Variants in EEF1AKMT4 observed in about 807,000 individuals in gnomAD.
EEF1AKMT4 encodes eukaryotic translation elongation factor 1 alpha lysine specific methyltransferase 4.
EEF1AKMT4 carries 17 observed loss-of-function variants against 23.0 expected under a neutral mutation model. The ratio of observed to expected loss-of-function variants is 0.74; its 90% CI spans 0.51 to 1.11. The LOEUF (loss-of-function observed/expected upper bound fraction) is 1.11. EEF1AKMT4 is among the 50% of genes least tolerant of loss of function. The probability of loss-of-function intolerance (pLI) is 0.00; values close to 1 mark genes in which losing one functional copy is unlikely to be tolerated. For missense variants in EEF1AKMT4, 318 were observed against 333.4 expected, an observed-to-expected ratio of 0.95 and a Z score of 0.36; for synonymous variants, 140 against 141.4, an observed-to-expected ratio of 0.99 and a Z score of 0.07.
intron 1 of EEF1AKMT4, among the ~76,000 whole-genome samples, chr3:184,254,256 A>G (rs1327266844): frequency 6.6e-6 from 1 of 151,754 alleles, no homozygotes; most frequent in East Asian, 1.9e-4. Context: ...TGCTTGCTTG[A>G]CTTCATGCTC....
intron 1 of EEF1AKMT4, among the ~76,000 whole-genome samples, chr3:184,251,625 C>G (rs1719560242): frequency 6.6e-6 from 1 of 152,166 alleles, no homozygotes; most frequent in Non-Finnish European, 1.5e-5. Flanking sequence ...ATCGTTTGAG[C>G]CAGGAGATCC....
intron 2 of EEF1AKMT4, 65 bp from the exon 3 acceptor site, chr3:184,258,223 C>T (rs1719899539): frequency 2.1e-6 from 3 of 1,424,866 alleles, no homozygotes; most frequent in African/African-American, 2.8e-5. Context: ...GCATCTGGAG[C>T]AGTACTGACC....
At position 184,257,604 on chromosome 3, in the gene EEF1AKMT4, G is replaced by A. The variant is rs377042130; in HGVS notation, c.328G>A (p.Glu110Lys). The A allele has an allele frequency of 6.2e-7, 1 of 1,614,072 alleles. No individual in the cohort carries two copies. Among genetic ancestry groups the A allele is most frequent in the African/African-American group, 1.3e-5 (1 of 74,936 alleles). The change falls in exon 2 of 3, where the codon GAG becomes AAG. Residue 110 changes from glutamate to lysine, a missense_variant. Transcript: ENST00000324557. ...RHAHVPQLRWETMDVRKLDFP... is the reference protein window; with the variant it reads ...RHAHVPQLRWKTMDVRKLDFP... ...TGCCCATGTGCCGCAGCTGCGCTGG[G>A]AGACCATGGATGTGCGGAAGCTGGA...
intron 1 of EEF1AKMT4, among the ~76,000 whole-genome samples, chr3:184,254,245 A>T (rs912697564): frequency 6.6e-6 from 1 of 151,850 alleles, no homozygotes; most frequent in African/African-American, 2.4e-5. Context: ...CCAATTTGTT[A>T]TGCTTGCTTG....
chr3:184,258,527 C>T lies in EEF1AKMT4; in HGVS notation c.720C>T (p.Phe240=). The T allele has an allele frequency of 6.2e-7, 1 of 1,610,374 alleles. No homozygotes were observed. Among genetic ancestry groups the T allele is most frequent in the Non-Finnish European group, 8.5e-7 (1 of 1,177,962 alleles). Residue 240 remains phenylalanine, a synonymous_variant, in exon 3 of 3, where the codon TTC becomes TTT. Transcript: ENST00000324557. ...SPPRPPTSPC[F]LQDSDHEDFL... is the part of the protein sequence containing the mutation. The stretch of plus-strand genomic sequence containing the variant: ...CCAGACCTCCCACCTCACCTTGCTT[C>T]CTTCAGGACTCAGATCATGAGGACT...
rs1332197595 is a variant in EEF1AKMT4, at chr3:184,254,946, G to A, written c.197-2527G>A. ...CTTCCCTCAGGCTCCACTTTGGAAG[G>A]CAGTGGCTTTCCCAAGCCCCTTCTT... is the stretch of plus-strand genomic sequence containing the variant. On this transcript the variant is annotated intron_variant, in intron 1 of 2. Transcript: ENST00000324557. Among the ~76,000 whole-genome samples the A allele has an allele frequency of 2.6e-5, 4 of 152,296 alleles. No individual in the cohort carries two copies. The South Asian group carries it at 8.3e-4, about 32-fold the overall frequency.
At chr3:184,256,280 A>AAAAAAAAAAAG (rs1553832343) in intron 1 of EEF1AKMT4, among the ~76,000 whole-genome samples, 10 of 150,002 alleles carry the variant, frequency 6.7e-5, no homozygotes, top group Non-Finnish European at 1.3e-4. Flanking sequence ...CTCAAAAAAA[A>AAAAAAAAAAAG]AAAAAAAAAA....
rs1387384237 is a variant in EEF1AKMT4 at position 184,258,738 on chromosome 3, CCCAGCT to C, written c.*167_*172del. 8.4e-5 allele frequency: 113 copies of C among 1,343,810 alleles called. 1 individual carries two copies. In the African/African-American group the frequency reaches 1.4e-3, roughly 16 times the overall value. 83.2% of individuals were successfully genotyped at this position (1,343,810 alleles called of 1,614,324 possible). A position where few individuals can be genotyped will look rare whatever the true frequency, so the allele number is the denominator to read the frequency against. On this transcript the variant is annotated 3_prime_UTR_variant, in exon 3 of 3. Transcript: ENST00000324557. ...AGCGAACCCACATGAACCAATACAGCCCAGCTCCAACTAGATCCAGATTCCAGGTTT... is the reference window on the plus strand; with the variant it reads ...AGCGAACCCACATGAACCAATACAGCCCAACTAGATCCAGATTCCAGGTTT...
chr3:184,255,195 G>T (rs549910589), intron 1 of EEF1AKMT4, among the ~76,000 whole-genome samples: 1 of 152,330 alleles, frequency 6.6e-6, no homozygotes, highest in Non-Finnish European at 1.5e-5. Flanking sequence ...TGAAGGGATT[G>T]TGGGTCAGCA....
chr3:184,250,371 CAGAGTCACCTAGAG>C (rs1273595760), intron 1 of EEF1AKMT4, among the ~76,000 whole-genome samples: 2 of 152,232 alleles, frequency 1.3e-5, no homozygotes, highest in Non-Finnish European at 2.9e-5. Flanking sequence ...CACTGGGAGC[CAGAGTCACCTAGAG>C]AGAGTCCTGT....
At chr3:184,250,708 A>G (rs1033936163) in intron 1 of EEF1AKMT4, among the ~76,000 whole-genome samples, 3 of 152,274 alleles carry the variant, frequency 2.0e-5, no homozygotes, top group Admixed American at 1.3e-4. Context: ...AGGTATAAAT[A>G]ACAAATCTAA....
chr3:184,255,566 C>T (rs574828839), intron 1 of EEF1AKMT4, among the ~76,000 whole-genome samples: 2 of 152,198 alleles, frequency 1.3e-5, no homozygotes, highest in Admixed American at 1.3e-4. Context: ...TCACCCAGCT[C>T]CATTGTCAAG....
At chr3:184,254,645 G>A (rs113437938) in intron 1 of EEF1AKMT4, among the ~76,000 whole-genome samples, 10,242 of 151,162 alleles carry the variant, frequency 0.068, 597 homozygotes, top group African/African-American at 0.15. Flanking sequence ...CCTGGGAGGC[G>A]GAGCTTGCAA....
intron 1 of EEF1AKMT4, among the ~76,000 whole-genome samples, chr3:184,252,105 C>T (rs1228329187): frequency 6.6e-6 from 1 of 152,198 alleles, no homozygotes; most frequent in Non-Finnish European, 1.5e-5. Flanking sequence ...CTAGACTGCA[C>T]TGTGAGATTC....
At position 184,256,272 on chromosome 3, in the gene EEF1AKMT4, C is replaced by CAAAAAA. The variant is rs59087969; in HGVS notation, c.197-1188_197-1183dup. ...GGGCAACAAGAGTGAAACTCCATCT[C>CAAAAAA]AAAAAAAAAAAAAAAAAAGAAAAGA... On this transcript the variant is annotated intron_variant, in intron 1 of 2. Transcript: ENST00000324557. 3.2e-3 allele frequency among the ~76,000 whole-genome samples: 174 copies of CAAAAAA among 54,144 alleles called. 2 individuals are homozygous for CAAAAAA. Among genetic ancestry groups the CAAAAAA allele is most frequent in the African/African-American group, 0.011 (163 of 15,118 alleles). 35.5% of individuals were successfully genotyped at this position (54,144 alleles called of 152,430 possible).
At chr3:184,254,369 G>C (rs1026137676) in intron 1 of EEF1AKMT4, among the ~76,000 whole-genome samples, 1 of 151,924 alleles carries the variant, frequency 6.6e-6, no homozygotes, top group Non-Finnish European at 1.5e-5. Context: ...GAACTCCTAT[G>C]CTTAAGCGAT....
At chr3:184,257,442 C>A in intron 1 of EEF1AKMT4, 31 bp from the exon 2 acceptor site, 2 of 1,572,860 alleles carry the variant, frequency 1.3e-6, no homozygotes, top group East Asian at 2.3e-5. Flanking sequence ...ACTAACGTAG[C>A]TCTTTTGCTA....
In EEF1AKMT4 at chr3:184,252,615, C is replaced by A. The variant is rs887424465; in HGVS notation, c.196+2725C>A. Among the ~76,000 whole-genome samples, 2 of 152,110 alleles carry A rather than the reference C, an allele frequency of 1.3e-5. 1 individual carries two copies. The highest frequency in any genetic ancestry group is 4.1e-4 in the South Asian group (2 of 4,830). On this transcript the variant is annotated intron_variant, in intron 1 of 2. Transcript: ENST00000324557. ...TCTCTTTTACAATGACTTGGTTCCG[C>A]TATTGTAGTGGAAAAGCAGCTACAG...
chr3:184,252,723 A>T (rs1170104810), intron 1 of EEF1AKMT4, among the ~76,000 whole-genome samples: 1 of 152,100 alleles, frequency 6.6e-6, no homozygotes, highest in East Asian at 1.9e-4. Flanking sequence ...CGGGCGGGTC[A>T]CCTGAGGTCA....
Sources: allele counts gnomAD v4.1 joint callset (sites outside exome capture counted in the v4.1 genomes callset), GRCh38; gene constraint gnomAD v4.1.1; transcripts MANE v1.5; gene names NCBI Gene and HGNC (gene_info 2026-07-23, HGNC 2026-07-21).